Variants in ROBO2 observed in about 807,000 individuals in gnomAD.
ROBO2 encodes the protein roundabout homolog 2.
In ROBO2, 53 loss-of-function variants were observed where a neutral mutation model predicts 160.8. The observed-to-expected ratio is 0.33, with a 90% CI of 0.26 to 0.41. The LOEUF is 0.41. ROBO2 is among the 10% of genes least tolerant of loss of function. The pLI is 1.00. For missense variants in ROBO2, 1,577 were observed against 1,722.4 expected, an observed-to-expected ratio of 0.92 and a Z score of 1.49; for synonymous variants, 664 against 611.7, an observed-to-expected ratio of 1.09 and a Z score of -1.26.
At chr3:77,074,949 T>G (rs2067808150) in intron 1 of ROBO2, among the ~76,000 whole-genome samples, 1 of 152,164 alleles carries the variant, frequency 6.6e-6, no homozygotes, top group African/African-American at 2.4e-5. Flanking sequence ...GGCTTCATAT[T>G]TTAACTGTTT....
chr3:76,279,322 A>C (rs1708107438), intron 2 of ROBO2, among the ~76,000 whole-genome samples: 1 of 151,698 alleles, frequency 6.6e-6, no homozygotes, highest in Admixed American at 6.6e-5. Flanking sequence ...TGTTTATTTT[A>C]GGCTTTAATT....
chr3:76,530,054 A>T (rs573587699), intron 2 of ROBO2, among the ~76,000 whole-genome samples: 1 of 152,170 alleles, frequency 6.6e-6, no homozygotes, highest in East Asian at 1.9e-4. Context: ...GATTTCCCAC[A>T]TGCCACTTTC....
At chr3:77,337,080 A>C (rs2066569986) in intron 2 of ROBO2, among the ~76,000 whole-genome samples, 1 of 152,210 alleles carries the variant, frequency 6.6e-6, no homozygotes, top group Non-Finnish European at 1.5e-5. Context: ...AGGACAGATG[A>C]TGTAAAGGGT....
At chr3:77,154,785 T>C (rs1339496045) in intron 2 of ROBO2, among the ~76,000 whole-genome samples, 1 of 151,978 alleles carries the variant, frequency 6.6e-6, no homozygotes, top group Admixed American at 6.6e-5. Flanking sequence ...AAATACTCCA[T>C]GTTCTGGTTT....
At chr3:76,288,662 C>A (rs1226306010) in intron 2 of ROBO2, among the ~76,000 whole-genome samples, 1 of 151,980 alleles carries the variant, frequency 6.6e-6, no homozygotes, top group Non-Finnish European at 1.5e-5. Context: ...TCAGATAGGC[C>A]CCAGTGTCTA....
intron 2 of ROBO2, among the ~76,000 whole-genome samples, chr3:77,239,095 G>T (rs891371095): frequency 1.3e-5 from 2 of 152,160 alleles, no homozygotes; most frequent in African/African-American, 4.8e-5. Flanking sequence ...TCTGGAATTG[G>T]TGGGTTCTTG....
intron 2 of ROBO2, among the ~76,000 whole-genome samples, chr3:76,566,265 A>T (rs543115293): frequency 6.6e-6 from 1 of 152,166 alleles, no homozygotes; most frequent in African/African-American, 2.4e-5. Flanking sequence ...TATTTGCTCA[A>T]TGTTGAAGCT....
intron 7 of ROBO2, among the ~76,000 whole-genome samples, chr3:77,549,376 T>C (rs2092827847): frequency 6.6e-6 from 1 of 152,032 alleles, no homozygotes; most frequent in African/African-American, 2.4e-5. Context: ...ACTCTCTCTT[T>C]TAGCTCGTTT....
At chr3:77,462,131 G>T (rs1362085629) in intron 2 of ROBO2, among the ~76,000 whole-genome samples, 3 of 151,918 alleles carry the variant, frequency 2.0e-5, no homozygotes, top group Non-Finnish European at 4.4e-5. Flanking sequence ...TGATATTTTA[G>T]GTTCTATAGA....
chr3:76,693,233 C>T (rs536779881), intron 2 of ROBO2, among the ~76,000 whole-genome samples: 22 of 142,920 alleles, frequency 1.5e-4, no homozygotes, highest in South Asian at 2.3e-4. Context: ...TATATGTATG[C>T]GTATATACAT....
In ROBO2 at chr3:76,294,848, G is replaced by C. The variant is rs570012545; in HGVS notation, c.109+357246G>C. ...TTATAAATTTGATAACTTCAATGAGGGATAACATAGAAGTGGAAAACTGTC... is the reference window on the plus strand; with the variant it reads ...TTATAAATTTGATAACTTCAATGAGCGATAACATAGAAGTGGAAAACTGTC... On this transcript the variant is annotated intron_variant, in intron 2 of 26. Transcript: ENST00000487694. Among the ~76,000 whole-genome samples, 6 of 152,280 alleles carry C rather than the reference G, an allele frequency of 3.9e-5. No homozygotes were observed. In the South Asian group the frequency reaches 1.2e-3, roughly 32 times the overall value.
chr3:77,030,006 T>A (rs1318906954), intron 2 of ROBO2, among the ~76,000 whole-genome samples: 1 of 151,686 alleles, frequency 6.6e-6, no homozygotes, highest in Non-Finnish European at 1.5e-5. Context: ...AGTGCAGTGG[T>A]GCGATCTCCG....
chr3:76,825,425 AT>A (rs748759134), intron 2 of ROBO2, among the ~76,000 whole-genome samples: 18 of 152,110 alleles, frequency 1.2e-4, no homozygotes, highest in Non-Finnish European at 1.6e-4. Flanking sequence ...CCAAAAAATA[AT>A]GTTGCTTTTA....
At chr3:76,717,248 C>T (rs1453202227) in intron 2 of ROBO2, among the ~76,000 whole-genome samples, 1 of 151,878 alleles carries the variant, frequency 6.6e-6, no homozygotes, top group Admixed American at 6.6e-5. Context: ...AATCCCTGCA[C>T]TTTGGGAGGC....
chr3:76,566,604 A>G (rs992686747), intron 2 of ROBO2, among the ~76,000 whole-genome samples: 39 of 152,188 alleles, frequency 2.6e-4, no homozygotes, highest in African/African-American at 8.7e-4. Context: ...AAAATAAAAG[A>G]TGCACCACAG....
chr3:76,218,523 A>G (rs1703723787), intron 2 of ROBO2, among the ~76,000 whole-genome samples: 1 of 152,186 alleles, frequency 6.6e-6, no homozygotes, highest in Non-Finnish European at 1.5e-5. Context: ...CCAATAACAG[A>G]CAAACAGAGA....
At chr3:77,356,915 G>T (rs2069213952) in intron 2 of ROBO2, among the ~76,000 whole-genome samples, 1 of 152,034 alleles carries the variant, frequency 6.6e-6, no homozygotes, top group African/African-American at 2.4e-5. Context: ...AGAATATTTT[G>T]CTTAGATGAT....
chr3:76,168,779 A>G (rs1439054010), intron 2 of ROBO2, among the ~76,000 whole-genome samples: 1 of 152,050 alleles, frequency 6.6e-6, no homozygotes, highest in Non-Finnish European at 1.5e-5. Flanking sequence ...TAAATAAAAT[A>G]TAAGTGTAAT....
chr3:76,457,574 G>C (rs1417781047), intron 2 of ROBO2, among the ~76,000 whole-genome samples: 1 of 152,070 alleles, frequency 6.6e-6, no homozygotes, highest in African/African-American at 2.4e-5. Context: ...TTCTGAGGAT[G>C]ATGTACCTCT....
Sources: allele counts gnomAD v4.1 joint callset (sites outside exome capture counted in the v4.1 genomes callset), GRCh38; gene constraint gnomAD v4.1.1; transcripts MANE v1.5; gene names NCBI Gene and HGNC (gene_info 2026-07-23, HGNC 2026-07-21).